The following SNX13 variants were observed in gnomAD, a reference collection of about 807,000 sequenced individuals.
SNX13 encodes sorting nexin-13.
Under a neutral mutation model 133.6 loss-of-function variants are expected in SNX13, and 45 were observed. The ratio of observed to expected loss-of-function variants is 0.34; its 90% CI spans 0.27 to 0.43. The LOEUF (loss-of-function observed/expected upper bound fraction) is 0.43, where lower values mean the gene tolerates loss of function less well. Among genes scored for constraint, SNX13 ranks in the 20% least tolerant of loss-of-function variants. The probability of loss-of-function intolerance (pLI) is 1.00; values close to 1 mark genes in which losing one functional copy is unlikely to be tolerated. For synonymous variants in SNX13, 414 were observed against 373.9 expected, an observed-to-expected ratio of 1.11 and a Z score of -1.24; for missense variants, 1,032 against 1,145.1, an observed-to-expected ratio of 0.90 and a Z score of 1.43.
chr7:17,801,022 A>ATATATATATATATATATATG (rs1784571048), intron 22 of SNX13, among the ~76,000 whole-genome samples: 5 of 14,086 alleles, frequency 3.5e-4, no homozygotes, highest in African/African-American at 9.2e-4. Context: ...ATATATATAT[A>ATATATATATATATATATATG]TATATATATA....
chr7:17,845,736 A>G, intron 11 of SNX13, 42 bp from the exon 12 acceptor site: 1 of 1,329,698 alleles, frequency 7.5e-7, no homozygotes, highest in Non-Finnish European at 1.0e-6. Flanking sequence ...TTATCTAATC[A>G]TTCATTGTTA....
intron 1 of SNX13, among the ~76,000 whole-genome samples, chr7:17,923,392 T>C (rs192840775): frequency 6.6e-6 from 1 of 152,168 alleles, no homozygotes; most frequent in African/African-American, 2.4e-5. Flanking sequence ...AACCCCTCAA[T>C]GAGAAAAGGT....
chr7:17,805,254 T>TGCGTGCGCGCGCGCGCGCGCGC (rs1554304326), intron 20 of SNX13, among the ~76,000 whole-genome samples: 1 of 132,440 alleles, frequency 7.6e-6, no homozygotes, highest in Non-Finnish European at 1.6e-5. Context: ...TGTGTGTGCG[T>TGCGTGCGCGCGCGCGCGCGCGC]GCGCGCGCGC....
chr7:17,896,161 C>T (rs553920043), intron 2 of SNX13, among the ~76,000 whole-genome samples: 58 of 152,302 alleles, frequency 3.8e-4, no homozygotes, highest in African/African-American at 1.3e-3. Flanking sequence ...CTTCAATCAT[C>T]TTTATCATCT....
rs1244199168 is a variant in SNX13, at chr7:17,791,642, C to T, written c.*2403G>A. 6.6e-6 allele frequency: 1 copy of T among 152,064 alleles called. No homozygotes were observed. The highest frequency in any genetic ancestry group is 1.5e-5 in the Non-Finnish European group (1 of 67,952). The allele number at this position is 152,064 out of a possible 1,614,324, so 9.4% of individuals were successfully genotyped here. A position where few individuals can be genotyped will look rare whatever the true frequency, so the allele number is the denominator to read the frequency against. On this transcript the variant is annotated 3_prime_UTR_variant, in exon 26 of 26. Transcript: ENST00000428135. ...CTAAAGGCACCACTGACTTAAAAAA[C>T]ATTCAAAATCAAATACCAGAAGACA... is the stretch of plus-strand genomic sequence containing the variant.
chr7:17,856,816 G>GAAAGAAAAGA (rs1554330846), intron 9 of SNX13, among the ~76,000 whole-genome samples: 3 of 136,152 alleles, frequency 2.2e-5, no homozygotes, highest in African/African-American at 8.2e-5. Flanking sequence ...AAGAAAGAAA[G>GAAAGAAAAGA]AAAAGAAAAA....
intron 12 of SNX13, among the ~76,000 whole-genome samples, chr7:17,844,694 C>T (rs1020405297): frequency 2.8e-4 from 43 of 151,278 alleles, no homozygotes; most frequent in Non-Finnish European, 1.6e-4. Context: ...AGAAATTATA[C>T]ACCATGACTA....
At chr7:17,881,150 T>C (rs1795289768) in intron 5 of SNX13, 1 of 152,054 alleles carries the variant, frequency 6.6e-6, no homozygotes. Context: ...GAGAAATGAC[T>C]ACGAAGACCT....
chr7:17,837,649 A>G (rs1025624726), intron 13 of SNX13, among the ~76,000 whole-genome samples: 22 of 152,120 alleles, frequency 1.4e-4, no homozygotes, highest in African/African-American at 5.1e-4. Context: ...CCAGGCCTAC[A>G]ATGCTCATTT....
intron 9 of SNX13, among the ~76,000 whole-genome samples, chr7:17,854,571 T>C (rs1791660420): frequency 6.6e-6 from 1 of 152,246 alleles, no homozygotes; most frequent in Non-Finnish European, 1.5e-5. Flanking sequence ...AGTCACATTT[T>C]AATAATTTTC....
chr7:17,839,978 A>T lies in SNX13; in HGVS notation c.1188T>A (p.Gly396=), dbSNP rs1261004313. The change falls in exon 13 of 26, where the codon GGT becomes GGA. Residue 396 remains glycine (G), a synonymous_variant. Transcript: ENST00000428135. Reference sequence around the variant, plus strand: ...TCATCCAAAAGAATAGATGTGCTTGACCTCCAGTTTGCTGCATGTAATCTA... The same window carrying T: ...TCATCCAAAAGAATAGATGTGCTTGTCCTCCAGTTTGCTGCATGTAATCTA... ...FFMDYMQQTG[G]QAHLFFWMTV... The T allele has an allele frequency of 1.9e-6, 3 of 1,608,916 alleles. No individual in the cohort carries two copies. Among genetic ancestry groups the T allele is most frequent in the Non-Finnish European group, 2.5e-6 (3 of 1,177,300 alleles).
intron 12 of SNX13, among the ~76,000 whole-genome samples, chr7:17,842,122 C>G (rs1372209098): frequency 6.6e-6 from 1 of 151,874 alleles, no homozygotes; most frequent in Non-Finnish European, 1.5e-5. Context: ...TATAAACACC[C>G]AAAAAGCTCA....
At chr7:17,868,576 A>G (rs1793683143) in intron 8 of SNX13, 86 bp from the exon 9 acceptor site, 2 of 1,036,962 alleles carry the variant, frequency 1.9e-6, no homozygotes, top group African/African-American at 1.6e-5. Context: ...CAATGCTGTT[A>G]CTTAAGAAAA....
chr7:17,863,753 G>A (rs984026044), intron 9 of SNX13, among the ~76,000 whole-genome samples: 8 of 152,202 alleles, frequency 5.3e-5, no homozygotes, highest in African/African-American at 1.7e-4. Flanking sequence ...AACTCTGCAC[G>A]GTGCCAGCCA....
intron 5 of SNX13, among the ~76,000 whole-genome samples, chr7:17,885,985 C>G (rs1486937651): frequency 6.6e-6 from 1 of 151,924 alleles, no homozygotes; most frequent in Non-Finnish European, 1.5e-5. Context: ...TTTCATATAG[C>G]AAAGAATATA....
Position 17,890,459 on chromosome 7 carries a change from T to C in SNX13, c.344A>G (p.Tyr115Cys), listed in dbSNP as rs745603935. The change falls in exon 5 of 26, where the codon TAT becomes TGT. Residue 115 changes from tyrosine to cysteine, a missense_variant. Tyr to Cys is a radical substitution (Grantham distance 194). Transcript: ENST00000428135. ...TAGTGTATAATACCAATACTGGACA[T>C]AATCCCTCAAGGAAAACTGGATAAC... is the stretch of plus-strand genomic sequence containing the variant. The part of the protein sequence containing the change: ...QQVIQFSLRD[Y>C]VQYWYYTLSD... 1 of 1,590,292 alleles carries C rather than the reference T, an allele frequency of 6.3e-7. No homozygotes were observed. Among genetic ancestry groups the C allele is most frequent in the Non-Finnish European group, 8.6e-7 (1 of 1,167,862 alleles).
chr7:17,817,860 C>A (rs1786837116), intron 18 of SNX13, among the ~76,000 whole-genome samples: 1 of 152,118 alleles, frequency 6.6e-6, no homozygotes, highest in South Asian at 2.1e-4. Flanking sequence ...CATATTTTTC[C>A]TGGTATTACC....
chr7:17,844,316 A>T (rs1025617334), intron 12 of SNX13, among the ~76,000 whole-genome samples: 1 of 152,028 alleles, frequency 6.6e-6, no homozygotes, highest in African/African-American at 2.4e-5. Context: ...GAAATGGAAA[A>T]ATTCCTAGAA....
rs200148485 is a variant in SNX13, at chr7:17,876,574, C to CAAA, written c.441-787_441-785dup. Among the ~76,000 whole-genome samples the CAAA allele has an allele frequency of 4.3e-4, 52 of 120,732 alleles. 2 individuals are homozygous for CAAA. The highest frequency in any genetic ancestry group is 1.3e-3 in the Admixed American group (15 of 11,596). The allele number at this position is 120,732 out of a possible 152,430, so 79.2% of individuals were successfully genotyped here. A position where few individuals can be genotyped will look rare whatever the true frequency, so the allele number is the denominator to read the frequency against. On this transcript the variant is annotated intron_variant, in intron 5 of 25. Transcript: ENST00000428135. Reference sequence around the variant, plus strand: ...GAGCCTGGGAACAGAGCTATCTCATCAAAAAAAAAAAAAAAAGCCTTAACC... The same window carrying CAAA: ...GAGCCTGGGAACAGAGCTATCTCATCAAAAAAAAAAAAAAAAAAAGCCTTAACC...
Sources: allele counts gnomAD v4.1 joint callset (sites outside exome capture counted in the v4.1 genomes callset), GRCh38; gene constraint gnomAD v4.1.1; transcripts MANE v1.5; gene names NCBI Gene and HGNC (gene_info 2026-07-23, HGNC 2026-07-21).